The following TOP6BL variants were observed in gnomAD, a reference collection of about 807,000 sequenced individuals.
TOP6BL encodes the protein TOP6B like initiator of meiotic double strand breaks.
the TOP6BL span, chr11:66,815,815 A>G: frequency 2.5e-6 from 1 of 398,746 alleles, no homozygotes; most frequent in Non-Finnish European, 4.5e-6. Flanking sequence ...AATGTAAAGG[A>G]GTGCTGTTTG....
chr11:66,764,401 C>T, the TOP6BL span, among the ~76,000 whole-genome samples: 13 of 151,544 alleles, frequency 8.6e-5, no homozygotes, highest in Non-Finnish European at 1.8e-4. Flanking sequence ...CACCTGTAAT[C>T]CCAGCACTTT....
At chr11:66,843,236 C>T in the TOP6BL span, 63 of 1,608,548 alleles carry the variant, frequency 3.9e-5, no homozygotes, top group Non-Finnish European at 5.2e-5. Flanking sequence ...GGGCCCTGAG[C>T]CGGGTCCCCT....
At chr11:66,770,573 C>T in the TOP6BL span, among the ~76,000 whole-genome samples, 2 of 151,818 alleles carry the variant, frequency 1.3e-5, no homozygotes, top group East Asian at 1.9e-4. Flanking sequence ...GCGTGGTGGC[C>T]GGTGCCTGTA....
the TOP6BL span, among the ~76,000 whole-genome samples, chr11:66,756,767 A>G: frequency 9.9e-5 from 15 of 152,062 alleles, no homozygotes; most frequent in Non-Finnish European, 1.9e-4. Context: ...GGTGGAGTGC[A>G]GTGGTGCCAT....
At chr11:66,824,924 T>C in the TOP6BL span, among the ~76,000 whole-genome samples, 2 of 152,088 alleles carry the variant, frequency 1.3e-5, no homozygotes, top group African/African-American at 4.8e-5. Flanking sequence ...CATGTGTCTT[T>C]ATAGCAGCAT....
At chr11:66,752,189 T>C in the TOP6BL span, among the ~76,000 whole-genome samples, 1 of 151,514 alleles carries the variant, frequency 6.6e-6, no homozygotes, top group Non-Finnish European at 1.5e-5. Flanking sequence ...TTGATGGATC[T>C]CAGGCTCCAG....
the TOP6BL span, chr11:66,756,559 A>G: frequency 2.0e-6 from 2 of 1,008,170 alleles, no homozygotes; most frequent in Non-Finnish European, 2.4e-6. Flanking sequence ...ATTTTCAGTT[A>G]TATTTCCAAT....
At chr11:66,793,282 G>T in the TOP6BL span, among the ~76,000 whole-genome samples, 1 of 151,324 alleles carries the variant, frequency 6.6e-6, no homozygotes, top group Non-Finnish European at 1.5e-5. Flanking sequence ...CAGTAGAGAT[G>T]GGGTTTCACC....
the TOP6BL span, among the ~76,000 whole-genome samples, chr11:66,817,499 C>T: frequency 2.6e-5 from 4 of 152,028 alleles, no homozygotes; most frequent in African/African-American, 9.7e-5. Flanking sequence ...AGTGCAATAG[C>T]GTGATCTTGA....
At chr11:66,796,964 A>T in the TOP6BL span, among the ~76,000 whole-genome samples, 1 of 150,642 alleles carries the variant, frequency 6.6e-6, no homozygotes, top group African/African-American at 2.4e-5. Context: ...GTGTGCTGGG[A>T]TTACAGGTGT....
chr11:66,749,535 A>G, the TOP6BL span, among the ~76,000 whole-genome samples: 20 of 151,828 alleles, frequency 1.3e-4, no homozygotes, highest in African/African-American at 4.8e-4. Context: ...TCTTCTCTTT[A>G]TTGTCTCTGA....
chr11:66,821,556 A>C, the TOP6BL span: 1 of 1,443,368 alleles, frequency 6.9e-7, no homozygotes, highest in South Asian at 1.3e-5. Context: ...ATTACAGGCC[A>C]CATCTGGTAA....
chr11:66,772,291 A>G, the TOP6BL span, among the ~76,000 whole-genome samples: 2 of 152,316 alleles, frequency 1.3e-5, no homozygotes, highest in African/African-American at 4.8e-5. Flanking sequence ...AAACATAGCA[A>G]GGCCCCATAT....
At chr11:66,769,554 T>TACAACAACATTTAA in the TOP6BL span, among the ~76,000 whole-genome samples, 2 of 151,226 alleles carry the variant, frequency 1.3e-5, no homozygotes, top group Admixed American at 1.3e-4. Context: ...AGTGTACATA[T>TACAACAACATTTAA]AGAACTTATA....
chr11:66,820,811 C>T, the TOP6BL span, among the ~76,000 whole-genome samples: 1 of 152,088 alleles, frequency 6.6e-6, no homozygotes, highest in African/African-American at 2.4e-5. Context: ...AAACAGGATC[C>T]CTTATTTGTT....
the TOP6BL span, among the ~76,000 whole-genome samples, chr11:66,808,947 T>TGTGTGTGTGC: frequency 6.6e-6 from 1 of 152,138 alleles, no homozygotes; most frequent in South Asian, 2.1e-4. Context: ...CAGATTTGTG[T>TGTGTGTGTGC]GTGTGTGTGC....
At chr11:66,776,356 G>A in the TOP6BL span, among the ~76,000 whole-genome samples, 1 of 152,074 alleles carries the variant, frequency 6.6e-6, no homozygotes, top group East Asian at 1.9e-4. Flanking sequence ...ATCACGCCTG[G>A]CATATGGCTT....
At chr11:66,751,010 GTTATTTAT>G in the TOP6BL span, among the ~76,000 whole-genome samples, 1 of 149,408 alleles carries the variant, frequency 6.7e-6, no homozygotes, top group African/African-American at 2.5e-5. Flanking sequence ...TGGCCAAGAT[GTTATTTAT>G]TTATTTATTA....
the TOP6BL span, among the ~76,000 whole-genome samples, chr11:66,820,000 G>A: frequency 9.9e-5 from 15 of 151,688 alleles, no homozygotes; most frequent in Admixed American, 9.2e-4. Flanking sequence ...GATCACTTGA[G>A]CCCCGGTGGT....
Sources: allele counts gnomAD v4.1 joint callset (sites outside exome capture counted in the v4.1 genomes callset), GRCh38; gene constraint gnomAD v4.1.1; transcripts MANE v1.5; gene names NCBI Gene and HGNC (gene_info 2026-07-23, HGNC 2026-07-21).